The following STK33 variants were observed in gnomAD, a reference collection of about 807,000 sequenced individuals.
STK33 encodes serine/threonine-protein kinase 33.
Under a neutral mutation model 58.0 loss-of-function variants are expected in STK33, and 52 were observed. The ratio of observed to expected loss-of-function variants is 0.90; its 90% CI spans 0.72 to 1.13. The LOEUF (loss-of-function observed/expected upper bound fraction) is 1.13. Among genes scored for constraint, STK33 ranks in the 50% most tolerant of loss-of-function variants. STK33 has a pLI of 0.00. For synonymous variants in STK33, 215 were observed against 200.1 expected (o/e 1.07, Z -0.63); for missense variants, 630 against 604.2 (o/e 1.04, Z -0.45).
the STK33 span, among the ~76,000 whole-genome samples, chr11:8,376,770 A>C: frequency 6.6e-6 from 1 of 151,884 alleles, no homozygotes; most frequent in African/African-American, 2.4e-5. Flanking sequence ...TTGATCTCCT[A>C]ATCTCGTGAT....
chr11:8,413,376 A>G, intron 15 of STK33, 119 bp downstream of exon 15: 1 of 1,075,966 alleles, frequency 9.3e-7, no homozygotes. Context: ...TTTACTTGCT[A>G]TATAACGCTC....
intron 1 of STK33, among the ~76,000 whole-genome samples, chr11:8,537,243 G>C (rs12577853): frequency 6.6e-6 from 1 of 151,380 alleles, no homozygotes; most frequent in African/African-American, 2.4e-5. Flanking sequence ...GCCTCCCAAA[G>C]TGCTAGGATT....
intron 11 of STK33, among the ~76,000 whole-genome samples, chr11:8,452,449 C>G (rs1946398772): frequency 6.6e-6 from 1 of 152,062 alleles, no homozygotes; most frequent in South Asian, 2.1e-4. Flanking sequence ...AAAAATTGTT[C>G]AAGCTGTAAT....
intron 1 of STK33, among the ~76,000 whole-genome samples, chr11:8,531,955 A>C: frequency 6.6e-6 from 1 of 152,246 alleles, no homozygotes; most frequent in Non-Finnish European, 1.5e-5. Context: ...ATGCCACAGA[A>C]GAGATAAGAA....
chr11:8,530,513 A>G (rs1273417186), intron 1 of STK33, among the ~76,000 whole-genome samples: 1 of 152,082 alleles, frequency 6.6e-6, no homozygotes, highest in African/African-American at 2.4e-5. Flanking sequence ...AAAAGAAAAA[A>G]TTATTTGGAA....
chr11:8,381,804 C>G, the STK33 span, among the ~76,000 whole-genome samples: 1 of 152,128 alleles, frequency 6.6e-6, no homozygotes, highest in Non-Finnish European at 1.5e-5. Context: ...GTGGTCTGAG[C>G]CATTTCACTA....
the STK33 span, among the ~76,000 whole-genome samples, chr11:8,350,957 G>C: frequency 6.6e-6 from 1 of 152,148 alleles, no homozygotes; most frequent in Non-Finnish European, 1.5e-5. Context: ...AACAATGACA[G>C]GGATAAGAAA....
chr11:8,473,033 G>T, intron 6 of STK33, 130 bp downstream of exon 6: 1 of 584,824 alleles, frequency 1.7e-6, no homozygotes. Context: ...TAACATACTT[G>T]AAAATGGTAC....
chr11:8,475,043 T>A lies in STK33; in HGVS notation c.-138A>T. The stretch of plus-strand genomic sequence containing the variant: ...TGAAGTCCTCAGGTTAAGGATGCAC[T>A]AGACACATATTCACACGTGAGAGCT... On this transcript the variant is annotated 5_prime_UTR_variant, in exon 5 of 16. Transcript: ENST00000687296. 1 of 651,502 alleles carries A rather than the reference T, an allele frequency of 1.5e-6. No individual in the cohort carries two copies. Among genetic ancestry groups the A allele is most frequent in the Non-Finnish European group, 2.5e-6 (1 of 394,874 alleles). 40.4% of individuals were successfully genotyped at this position (651,502 alleles called of 1,614,324 possible). A position where few individuals can be genotyped will look rare whatever the true frequency, so the allele number is the denominator to read the frequency against.
intron 14 of STK33, among the ~76,000 whole-genome samples, chr11:8,418,940 G>T (rs1012238704): frequency 1.9e-4 from 29 of 151,884 alleles, no homozygotes; most frequent in Non-Finnish European, 4.4e-5. Context: ...TTTTAATGAG[G>T]TTGTTTTTTT....
the STK33 span, among the ~76,000 whole-genome samples, chr11:8,362,494 G>A: frequency 4.6e-5 from 7 of 152,244 alleles, no homozygotes; most frequent in African/African-American, 1.7e-4. Flanking sequence ...ATTATACACT[G>A]ATGACAAATG....
At chr11:8,554,714 A>G (rs749099995) in intron 1 of STK33, among the ~76,000 whole-genome samples, 7 of 152,106 alleles carry the variant, frequency 4.6e-5, no homozygotes, top group Non-Finnish European at 8.8e-5. Flanking sequence ...CAAAAAAACT[A>G]AAAACATCAC....
chr11:8,341,120 GTGC>G, the STK33 span, among the ~76,000 whole-genome samples: 2 of 151,974 alleles, frequency 1.3e-5, no homozygotes, highest in African/African-American at 4.8e-5. Flanking sequence ...GGCCTCCAAA[GTGC>G]TGGGATTACA....
intron 1 of STK33, among the ~76,000 whole-genome samples, chr11:8,486,388 C>G (rs575507571): frequency 1.3e-5 from 2 of 152,118 alleles, no homozygotes; most frequent in African/African-American, 4.8e-5. Flanking sequence ...TCTAGGCCTT[C>G]TTATGTGTAC....
intron 6 of STK33, among the ~76,000 whole-genome samples, chr11:8,468,125 C>G (rs1454099924): frequency 1.3e-5 from 2 of 152,138 alleles, no homozygotes; most frequent in Non-Finnish European, 2.9e-5. Context: ...GGAGGCCTCA[C>G]AATCATGGCA....
intron 1 of STK33, among the ~76,000 whole-genome samples, chr11:8,559,305 C>T (rs967522940): frequency 2.0e-5 from 3 of 152,194 alleles, no homozygotes; most frequent in African/African-American, 7.2e-5. Context: ...AACAAAATGG[C>T]ATAGCCAAGT....
chr11:8,529,507 C>A (rs1954340637), intron 1 of STK33, among the ~76,000 whole-genome samples: 1 of 152,086 alleles, frequency 6.6e-6, no homozygotes, highest in Non-Finnish European at 1.5e-5. Context: ...AATAATGCCT[C>A]CCTCCCCCTA....
intron 1 of STK33, among the ~76,000 whole-genome samples, chr11:8,557,248 G>GAAAGGGAAGGGAA (rs145181993): frequency 4.9e-4 from 20 of 41,230 alleles, no homozygotes; most frequent in African/African-American, 1.6e-3. Flanking sequence ...GGGACCTTGT[G>GAAAGGGAAGGGAA]GGGAAGGGAA....
intron 1 of STK33, among the ~76,000 whole-genome samples, chr11:8,506,078 G>C (rs1951844191): frequency 1.3e-5 from 2 of 152,138 alleles, no homozygotes; most frequent in South Asian, 2.1e-4. Flanking sequence ...GAGAAGGGGA[G>C]CTTACATTTT....
Sources: gnomAD v4.1 joint callset for allele counts (sites outside exome capture counted in the v4.1 genomes callset) on GRCh38, gnomAD v4.1.1 for gene constraint, MANE v1.5 for transcripts, NCBI Gene and HGNC (gene_info 2026-07-23, HGNC 2026-07-21) for gene names.